Variants in CLEC17A observed in about 807,000 individuals in gnomAD.
CLEC17A encodes C-type lectin domain containing 17A, also known as C-type lectin domain family 17, member A.
Under a neutral mutation model 61.3 loss-of-function variants are expected in CLEC17A, and 37 were observed. The ratio of observed to expected loss-of-function variants is 0.60; its 90% CI spans 0.46 to 0.79. The LOEUF (loss-of-function observed/expected upper bound fraction) is 0.79. CLEC17A is among the 30% of genes least tolerant of loss of function. The probability of loss-of-function intolerance (pLI) is 0.00; values close to 1 mark genes in which losing one functional copy is unlikely to be tolerated. For synonymous variants in CLEC17A, 168 were observed against 164.9 expected, an observed-to-expected ratio of 1.02 and a Z score of -0.14; for missense variants, 418 against 464.7, an observed-to-expected ratio of 0.90 and a Z score of 0.92.
chr19:14,608,371 C>T (rs943902671), intron 13 of CLEC17A, among the ~76,000 whole-genome samples: 1 of 152,120 alleles, frequency 6.6e-6, no homozygotes, highest in African/African-American at 2.4e-5. Context: ...TATTTTGGTA[C>T]ACCACCCCCA....
intron 8 of CLEC17A, among the ~76,000 whole-genome samples, chr19:14,595,619 G>A (rs1023138858): frequency 3.3e-5 from 5 of 151,246 alleles, no homozygotes; most frequent in African/African-American, 1.2e-4. Context: ...GGAAGGATGA[G>A]GAAGGAGATG....
Position 14,599,733 on chromosome 19 carries a change from G to T in CLEC17A, c.663G>T (p.Gly221=), listed in dbSNP as rs1298968940. The change falls in exon 11 of 14, where the codon GGG becomes GGT. Residue 221 remains glycine, a synonymous_variant. Transcript: ENST00000417570. Reference sequence around the variant, plus strand: ...TTCTGACAGTGACTGGCATGGCAGGGCTAGCTGGCCTGAAGCATGACATTG... The same window carrying T: ...TTCTGACAGTGACTGGCATGGCAGGTCTAGCTGGCCTGAAGCATGACATTG... ...TWRTNMTGMA[G]LAGLKHDIAR... is the part of the protein sequence containing the mutation. 1 of 1,613,674 alleles carries T rather than the reference G, an allele frequency of 6.2e-7. No individual in the cohort carries two copies. Among genetic ancestry groups the T allele is most frequent in the Non-Finnish European group, 8.5e-7 (1 of 1,179,794 alleles).
At chr19:14,587,976 A>G (rs2074325953) in intron 3 of CLEC17A, among the ~76,000 whole-genome samples, 1 of 152,098 alleles carries the variant, frequency 6.6e-6, no homozygotes, top group African/African-American at 2.4e-5. Context: ...GTGAGACTTG[A>G]GGGATGAGTA....
Position 14,587,697 on chromosome 19 carries a change from A to T in CLEC17A, c.199+6A>T. The T allele has an allele frequency of 6.2e-7, 1 of 1,609,068 alleles. No individual in the cohort carries two copies. Among genetic ancestry groups the T allele is most frequent in the Non-Finnish European group, 8.5e-7 (1 of 1,177,700 alleles). ...GGACCTTCCTCCCAAGCCAGGTAAG[A>T]GGACTTTTTGGAGTGTGACCTGGGG... On this transcript the variant is annotated splice_donor_region_variant and intron_variant, in intron 3 of 13. Transcript: ENST00000417570.
At chr19:14,591,307 A>G (rs1447875144) in intron 3 of CLEC17A, among the ~76,000 whole-genome samples, 1 of 151,174 alleles carries the variant, frequency 6.6e-6, no homozygotes, top group Non-Finnish European at 1.5e-5. Flanking sequence ...GGCGCCCGCC[A>G]CCACGCCTGG....
chr19:14,584,802 A>G (rs1304173191), intron 2 of CLEC17A, among the ~76,000 whole-genome samples: 1 of 151,734 alleles, frequency 6.6e-6, no homozygotes, highest in South Asian at 2.1e-4. Context: ...CCACATCCAC[A>G]TGCAGCCCAG....
At chr19:14,590,862 ATTTTTTT>A (rs74183400) in intron 3 of CLEC17A, among the ~76,000 whole-genome samples, 1 of 135,314 alleles carries the variant, frequency 7.4e-6, no homozygotes, top group Non-Finnish European at 1.6e-5. Context: ...GTTTTTTCTA[ATTTTTTT>A]TTTTTTTTTA....
chr19:14,609,111 G>T (rs900524289), intron 13 of CLEC17A, among the ~76,000 whole-genome samples: 3 of 152,032 alleles, frequency 2.0e-5, no homozygotes, highest in African/African-American at 7.2e-5. Flanking sequence ...AACATTGGCT[G>T]CTAAAGGCTC....
chr19:14,586,056 A>C (rs940874313), intron 2 of CLEC17A, among the ~76,000 whole-genome samples: 4 of 151,492 alleles, frequency 2.6e-5, no homozygotes, highest in Non-Finnish European at 1.5e-5. Flanking sequence ...GCTCTGTTTT[A>C]TTAGGTTTAG....
At chr19:14,592,044 C>T (rs2074432691) in intron 3 of CLEC17A, among the ~76,000 whole-genome samples, 1 of 152,110 alleles carries the variant, frequency 6.6e-6, no homozygotes, top group Non-Finnish European at 1.5e-5. Context: ...AGGGACAAGA[C>T]CTGGCTACCA....
chr19:14,598,994 C>T (rs2074630241), intron 10 of CLEC17A, among the ~76,000 whole-genome samples: 1 of 149,670 alleles, frequency 6.7e-6, no homozygotes, highest in African/African-American at 2.5e-5. Flanking sequence ...GCTCATTCTG[C>T]TTTGATCTCA....
intron 3 of CLEC17A, among the ~76,000 whole-genome samples, chr19:14,589,113 T>C (rs1326719562): frequency 1.3e-5 from 2 of 151,094 alleles, no homozygotes; most frequent in African/African-American, 2.5e-5. Flanking sequence ...CTCTCTACTA[T>C]AGCCCAGCCT....
chr19:14,608,448 A>G lies in CLEC17A; in HGVS notation c.1004+1346A>G, dbSNP rs1163280257. Among the ~76,000 whole-genome samples the G allele has an allele frequency of 2.6e-5, 4 of 152,086 alleles. No individual in the cohort carries two copies. In the East Asian group the frequency reaches 5.8e-4, roughly 22 times the overall value. On this transcript the variant is annotated intron_variant, in intron 13 of 13. Coordinates refer to ENST00000417570, the MANE Select transcript of CLEC17A (RefSeq NM_001204118.2). ...AAGCTGATAGGGTGTCTAGCATCCC[A>G]GGCTTGGCCAGACAGGGACAGCACC...
chr19:14,602,611 C>G (rs562039781), intron 12 of CLEC17A, among the ~76,000 whole-genome samples: 72 of 152,100 alleles, frequency 4.7e-4, no homozygotes, highest in Non-Finnish European at 8.1e-4. Context: ...ATTTTTAGAC[C>G]GTTTACATTT....
intron 12 of CLEC17A, among the ~76,000 whole-genome samples, chr19:14,603,879 C>G (rs570526286): frequency 2.6e-5 from 4 of 152,256 alleles, no homozygotes; most frequent in Non-Finnish European, 5.9e-5. Flanking sequence ...ATATGAGTTC[C>G]CTCTTCTTAA....
Position 14,583,186 on chromosome 19 carries a change from G to T in CLEC17A, c.26G>T (p.Gly9Val). MHNLYSIT[G>V]YPDPPGTMEE... ...ATGCATAATCTGTATTCCATCACTG[G>T]GTACCCGGACCCACCAGGTAAGGCC... The change falls in exon 1 of 14, where the codon GGG becomes GTG. Residue 9 changes from glycine (G) to valine (V), a missense_variant. Gly to Val is a moderately radical substitution (Grantham distance 109). Transcript: ENST00000417570. 6.2e-7 allele frequency: 1 copy of T among 1,613,940 alleles called. No homozygotes were observed. The highest frequency in any genetic ancestry group is 8.5e-7 in the Non-Finnish European group (1 of 1,179,886).
chr19:14,595,488 A>T (rs1463907379), intron 8 of CLEC17A, among the ~76,000 whole-genome samples, 173 bp downstream of exon 8: 3 of 152,206 alleles, frequency 2.0e-5, no homozygotes, highest in African/African-American at 7.2e-5. Flanking sequence ...TGAGAAAGCC[A>T]TTCCTTGACA....
chr19:14,599,728 G>T lies in CLEC17A; in HGVS notation c.658G>T (p.Ala220Ser), dbSNP rs753431748. 1 of 1,613,672 alleles carries T rather than the reference G, an allele frequency of 6.2e-7. No individual in the cohort carries two copies. The highest frequency in any genetic ancestry group is 2.2e-5 in the East Asian group (1 of 44,880). ...ATCCCTTCTGACAGTGACTGGCATG[G>T]CAGGGCTAGCTGGCCTGAAGCATGA... ...MTWRTNMTGM[A>S]GLAGLKHDIA... is the part of the protein sequence containing the mutation. Residue 220 changes from alanine to serine, a missense_variant, in exon 11 of 14, where the codon GCA becomes TCA. Transcript: ENST00000417570.
upstream of CLEC17A, chr19:14,582,969 G>A: frequency 4.1e-6 from 2 of 485,942 alleles, no homozygotes; most frequent in Non-Finnish European, 3.8e-6. Flanking sequence ...GTGTGTATGT[G>A]TGTGTGTGTG....
Sources: gnomAD v4.1 joint callset for allele counts (sites outside exome capture counted in the v4.1 genomes callset) on GRCh38, gnomAD v4.1.1 for gene constraint, MANE v1.5 for transcripts, NCBI Gene and HGNC (gene_info 2026-07-23, HGNC 2026-07-21) for gene names.